The following CHD1L variants were observed in gnomAD, a reference collection of about 807,000 sequenced individuals.
CHD1L encodes chromodomain helicase DNA binding protein 1 like, also known as ATP-dependent chromatin remodeler CHD1L.
CHD1L carries 118 observed loss-of-function variants against 115.9 expected under a neutral mutation model. The observed-to-expected ratio is 1.02, with a 90% CI of 0.88 to 1.19. CHD1L has a LOEUF of 1.19. Ranked by LOEUF, CHD1L falls within the 50% of genes most tolerant of loss-of-function variation. The pLI is 0.00. For synonymous variants in CHD1L, 411 were observed against 387.1 expected (o/e 1.06, Z -0.72); for missense variants, 1,179 against 1,065.3 (o/e 1.11, Z -1.49).
the CHD1L span, among the ~76,000 whole-genome samples, chr1:147,194,307 T>G: frequency 6.6e-6 from 1 of 152,186 alleles, no homozygotes; most frequent in African/African-American, 2.4e-5. Flanking sequence ...AAAGTCTGTT[T>G]TATCAGAGAC....
At chr1:147,258,522 T>G (rs1553941796) in intron 5 of CHD1L, among the ~76,000 whole-genome samples, 1 of 152,222 alleles carries the variant, frequency 6.6e-6, no homozygotes. Context: ...CCTTTGTTTC[T>G]TGTCATCCTT....
chr1:147,220,847 A>G, the CHD1L span, among the ~76,000 whole-genome samples: 1 of 152,134 alleles, frequency 6.6e-6, no homozygotes, highest in African/African-American at 2.4e-5. Context: ...GAAAAATAGA[A>G]AAGTGGAACA....
intron 19 of CHD1L, 143 bp from the exon 20 acceptor site, chr1:147,291,339 C>G: frequency 3.0e-6 from 2 of 673,698 alleles, no homozygotes. Context: ...AAGAGGTTGA[C>G]TGAGGCCAGG....
chr1:147,291,902 C>T (rs1432769037), intron 20 of CHD1L, among the ~76,000 whole-genome samples: 2 of 151,954 alleles, frequency 1.3e-5, no homozygotes, highest in Non-Finnish European at 2.9e-5. Context: ...CACCCTAAAC[C>T]CTTGTTTTAA....
chr1:147,276,072 T>C (rs782334917), intron 13 of CHD1L, 32 bp from the exon 14 acceptor site: 2 of 1,612,032 alleles, frequency 1.2e-6, no homozygotes, highest in Non-Finnish European at 1.7e-6. Flanking sequence ...CACACCCTTA[T>C]AGCACACTAC....
At chr1:147,199,630 T>G in the CHD1L span, among the ~76,000 whole-genome samples, 1 of 152,220 alleles carries the variant, frequency 6.6e-6, no homozygotes, top group Admixed American at 6.5e-5. Context: ...CCTGTTTTAA[T>G]GAACTGTTCT....
chr1:147,272,358 CTT>C, intron 12 of CHD1L, 77 bp downstream of exon 12: 1 of 1,005,982 alleles, frequency 9.9e-7, no homozygotes, highest in Non-Finnish European at 1.5e-6. Flanking sequence ...GGTTAGTACA[CTT>C]TTTTCCTTAA....
chr1:147,273,358 AT>A (rs1553954866), intron 12 of CHD1L, among the ~76,000 whole-genome samples: 1 of 152,222 alleles, frequency 6.6e-6, no homozygotes, highest in African/African-American at 2.4e-5. Context: ...GTTCAGTCTT[AT>A]TTAGAAAGCT....
intron 9 of CHD1L, 51 bp downstream of exon 9, chr1:147,267,569 G>T: frequency 7.1e-7 from 1 of 1,413,136 alleles, no homozygotes; most frequent in Non-Finnish European, 9.8e-7. Flanking sequence ...TGTTTCTGTG[G>T]CCAAATCATA....
At chr1:147,193,531 T>C in the CHD1L span, among the ~76,000 whole-genome samples, 1 of 152,168 alleles carries the variant, frequency 6.6e-6, no homozygotes, top group Non-Finnish European at 1.5e-5. Flanking sequence ...ATTTTAGTTA[T>C]TTCTTGCCTT....
rs140847969 is a variant in CHD1L, at chr1:147,244,764, C to T, written c.127+1934C>T. On this transcript the variant is annotated intron_variant, in intron 1 of 22. Transcript: ENST00000369258. ...ACAGTTTTTCAGTATATGGATGTAC[C>T]ATAGTTTAGACAGTCCCTCTTCTTG... is the stretch of plus-strand genomic sequence containing the variant. 4.3e-3 allele frequency among the ~76,000 whole-genome samples: 645 copies of T among 150,410 alleles called. 5 individuals are homozygous for T. Among genetic ancestry groups the T allele is most frequent in the African/African-American group, 0.015 (615 of 40,804 alleles).
At position 147,291,544 on chromosome 1, in the gene CHD1L, C is replaced by T; in HGVS notation, c.2383C>T (p.Gln795Ter). The change falls in exon 20 of 23, where the codon CAA (glutamine) becomes TAA (stop). Residue 795 changes from glutamine to a stop codon, truncating the protein, a stop_gained. Transcript: ENST00000369258. LOFTEE classifies it high-confidence loss of function. ...VDDKESRNKG[Q>*]DLLALIVAQH... Reference sequence around the variant, plus strand: ...TGATAAAGAATCAAGAAACAAAGGGCAAGATTTGGTAAGTAAAACCCATCT... The same window carrying T: ...TGATAAAGAATCAAGAAACAAAGGGTAAGATTTGGTAAGTAAAACCCATCT... 1 of 1,613,372 alleles carries T rather than the reference C, an allele frequency of 6.2e-7. No homozygotes were observed. Among genetic ancestry groups the T allele is most frequent in the East Asian group, 2.2e-5 (1 of 44,860 alleles).
the CHD1L span, among the ~76,000 whole-genome samples, chr1:147,228,741 T>G: frequency 1.3e-5 from 2 of 152,248 alleles, no homozygotes; most frequent in Admixed American, 1.3e-4. Context: ...GGTTTTGATT[T>G]GTATTTCTCT....
intron 20 of CHD1L, 144 bp downstream of exon 20, chr1:147,291,696 A>C (rs1343269008): frequency 4.6e-6 from 3 of 658,992 alleles, no homozygotes; most frequent in Admixed American, 5.2e-5. Context: ...TAGGTAGCTT[A>C]AACAACAGAA....
At chr1:147,242,236 G>A (rs917116124), upstream of CHD1L, among the ~76,000 whole-genome samples, 1 of 152,126 alleles carries the variant, frequency 6.6e-6, no homozygotes, top group Non-Finnish European at 1.5e-5. Flanking sequence ...AGGGATTTCA[G>A]GGACTAAATC....
intron 11 of CHD1L, among the ~76,000 whole-genome samples, chr1:147,271,720 C>T (rs1466051709): frequency 1.3e-5 from 2 of 152,186 alleles, no homozygotes; most frequent in Non-Finnish European, 2.9e-5. Flanking sequence ...CTCCCCTTCC[C>T]CACACGGATG....
At chr1:147,276,416 G>C (rs1654444464) in intron 14 of CHD1L, among the ~76,000 whole-genome samples, 159 bp downstream of exon 14, 1 of 152,208 alleles carries the variant, frequency 6.6e-6, no homozygotes, top group Non-Finnish European at 1.5e-5. Flanking sequence ...TGCAGGGTCT[G>C]TAGGAAGTAA....
the CHD1L span, among the ~76,000 whole-genome samples, chr1:147,228,853 GTTGT>G: frequency 1.5e-4 from 23 of 152,116 alleles, no homozygotes; most frequent in Admixed American, 1.3e-4. Context: ...TTTTGATGGG[GTTGT>G]TTGTTTTTTT....
chr1:147,265,838 A>G (rs1673672567), intron 7 of CHD1L, 94 bp from the exon 8 acceptor site: 1 of 1,201,844 alleles, frequency 8.3e-7, no homozygotes, highest in Admixed American at 2.9e-5. Context: ...AGCGTGAAAT[A>G]AGAAACAAAA....
Sources: gnomAD v4.1 joint callset for allele counts (sites outside exome capture counted in the v4.1 genomes callset) on GRCh38, gnomAD v4.1.1 for gene constraint, MANE v1.5 for transcripts, NCBI Gene and HGNC (gene_info 2026-07-23, HGNC 2026-07-21) for gene names.